The following PDXDC1 variants were observed in gnomAD, a reference collection of about 807,000 sequenced individuals.
PDXDC1 encodes the protein pyridoxal dependent decarboxylase domain containing 1.
Under a neutral mutation model 100.1 loss-of-function variants are expected in PDXDC1, and 42 were observed. That is an observed-to-expected ratio of 0.42 (90% CI 0.33 to 0.54). The LOEUF (loss-of-function observed/expected upper bound fraction) is 0.54, where lower values mean the gene tolerates loss of function less well. Among genes scored for constraint, PDXDC1 ranks in the 20% least tolerant of loss-of-function variants. The pLI is 0.10. For synonymous variants in PDXDC1, 260 were observed against 371.7 expected (o/e 0.70, Z 3.46); for missense variants, 636 against 979.2 (o/e 0.65, Z 4.68).
intron 16 of PDXDC1, among the ~76,000 whole-genome samples, chr16:15,065,818 G>C (rs1379673828): frequency 1.3e-5 from 2 of 152,190 alleles, no homozygotes; most frequent in Non-Finnish European, 2.9e-5. Context: ...TTGGTGAAGA[G>C]ACTTGCTGAA....
chr16:15,030,418 C>G (rs1463230727), intron 16 of PDXDC1, among the ~76,000 whole-genome samples: 1 of 50,086 alleles, frequency 2.0e-5, no homozygotes, highest in Admixed American at 1.6e-4. Context: ...TGGTGGTACA[C>G]ACCTGCAGTC....
At chr16:14,981,395 G>GTGCC (rs1967949908) in intron 1 of PDXDC1, among the ~76,000 whole-genome samples, 1 of 152,284 alleles carries the variant, frequency 6.6e-6, no homozygotes, top group Admixed American at 6.5e-5. Context: ...AAAACAAACA[G>GTGCC]TGCCTGCTGT....
intron 16 of PDXDC1, chr16:15,109,067 T>A (rs1409421854): frequency 1.5e-5 from 2 of 133,864 alleles, no homozygotes; most frequent in African/African-American, 5.2e-5. Flanking sequence ...AGAAGTAGAC[T>A]CCCATCTCTT....
At chr16:15,072,774 G>C (rs993765927) in intron 16 of PDXDC1, among the ~76,000 whole-genome samples, 4 of 152,032 alleles carry the variant, frequency 2.6e-5, no homozygotes, top group African/African-American at 9.7e-5. Context: ...TCTCAAAAAA[G>C]AAAGGAAAAG....
rs2041784621 is a variant in PDXDC1, at chr16:15,016,211, G to A, written c.810G>A (p.Glu270=). Residue 270 remains glutamate (E), a splice_region_variant and synonymous_variant, in exon 9 of 23, where the codon GAG becomes GAA. Coordinates refer to ENST00000396410, the MANE Select transcript of PDXDC1 (RefSeq NM_015027.4). ...AGTATGGCATATGGCTTCATGTGGA[G>A]GGGTAAGCCGGCGGTGAGGCTGGTG... ...CEQYGIWLHV[E]GVNLATLALG... 1 of 1,612,336 alleles carries A rather than the reference G, an allele frequency of 6.2e-7. No homozygotes were observed. The highest frequency in any genetic ancestry group is 8.5e-7 in the Non-Finnish European group (1 of 1,179,718).
At position 15,038,014 on chromosome 16, in the gene PDXDC1, T is replaced by TTGG; in HGVS notation, c.*1741_*1743dup. The TTGG allele has an allele frequency of 6.2e-7, 1 of 1,601,162 alleles. No homozygotes were observed. Among genetic ancestry groups the TTGG allele is most frequent in the Non-Finnish European group, 8.5e-7 (1 of 1,171,918 alleles). ...CTGTCAGGCCAAGAAGGTGCTTTCT[T>TTGG]TGGTAATTCATGTTTTTTAACTTCC... On this transcript the variant is annotated 3_prime_UTR_variant, in exon 23 of 23. Transcript: ENST00000396410.
chr16:15,145,906 C>A, the PDXDC1 span, among the ~76,000 whole-genome samples: 1 of 152,196 alleles, frequency 6.6e-6, no homozygotes, highest in South Asian at 2.1e-4. Context: ...GTGGCCACTG[C>A]AGAGCTCCAG....
chr16:15,146,555 C>G, the PDXDC1 span, among the ~76,000 whole-genome samples: 2 of 152,146 alleles, frequency 1.3e-5, no homozygotes, highest in Admixed American at 6.5e-5. Context: ...CAGGAGTAGG[C>G]CGGGTCTTGT....
intron 16 of PDXDC1, among the ~76,000 whole-genome samples, chr16:15,089,847 C>T (rs1224668562): frequency 7.3e-6 from 1 of 136,630 alleles, no homozygotes; most frequent in Non-Finnish European, 1.5e-5. Flanking sequence ...GGATCAGAAA[C>T]GCTGAAGTTT....
At chr16:15,042,058 A>C (rs549787403), downstream of PDXDC1, among the ~76,000 whole-genome samples, 32 of 152,240 alleles carry the variant, frequency 2.1e-4, no homozygotes, top group Non-Finnish European at 2.6e-4. Flanking sequence ...AACAGATCTG[A>C]AAAATACAAG....
At chr16:15,067,764 T>A (rs1345732272) in intron 16 of PDXDC1, among the ~76,000 whole-genome samples, 1 of 152,070 alleles carries the variant, frequency 6.6e-6, no homozygotes, top group African/African-American at 2.4e-5. Flanking sequence ...TGGGTTGTTT[T>A]TGTTTGTTTA....
intron 16 of PDXDC1, chr16:15,093,976 T>C (rs1170848596): frequency 8.1e-5 from 54 of 668,190 alleles, no homozygotes; most frequent in Non-Finnish European, 1.1e-4. Flanking sequence ...CCCATGTCTA[T>C]TACCCAGTTA....
Position 15,036,568 on chromosome 16 carries a change from A to G in PDXDC1, c.*293A>G, listed in dbSNP as rs2043467177. The G allele has an allele frequency of 6.8e-6, 3 of 439,736 alleles. No individual in the cohort carries two copies. The highest frequency in any genetic ancestry group is 8.1e-5 in the East Asian group (2 of 24,788). The allele number at this position is 439,736 out of a possible 1,614,324, so 27.2% of individuals were successfully genotyped here. ...CGAATTTCAAGTGTCTACCAGTAGC[A>G]CCCTTGCTCTTTCTAAACATAAGCC... On this transcript the variant is annotated 3_prime_UTR_variant, in exon 23 of 23. Transcript: ENST00000396410.
At chr16:14,987,694 C>T (rs1336949623) in intron 1 of PDXDC1, among the ~76,000 whole-genome samples, 1 of 152,288 alleles carries the variant, frequency 6.6e-6, no homozygotes, top group East Asian at 1.9e-4. Context: ...TCACTGCAGC[C>T]TCCGCCTCCC....
Position 15,031,729 on chromosome 16 carries a change from C to T in PDXDC1, c.1400-6C>T. 6.2e-7 allele frequency: 1 copy of T among 1,606,264 alleles called. No individual in the cohort carries two copies. The highest frequency in any genetic ancestry group is 8.5e-7 in the Non-Finnish European group (1 of 1,173,864). On this transcript the variant is annotated splice_polypyrimidine_tract_variant and splice_region_variant and intron_variant, in intron 16 of 22. Transcript: ENST00000396410. ...AGCATTTCTCTGACATTGTGAACAT[C>T]TTCAGTTTTAGGAACTCGGGGAGAG...
intron 16 of PDXDC1, chr16:15,135,948 G>A: frequency 2.5e-6 from 4 of 1,578,086 alleles, no homozygotes; most frequent in Non-Finnish European, 3.4e-6. Flanking sequence ...ACGCCGGGCA[G>A]GGCCACACGC....
At chr16:15,072,917 AG>A in intron 16 of PDXDC1, 1 of 1,605,880 alleles carries the variant, frequency 6.2e-7, no homozygotes, top group Non-Finnish European at 8.5e-7. Flanking sequence ...AAACAAAGTA[AG>A]CTAAGATAAT....
At chr16:15,133,320 C>A (rs2048197952) in intron 16 of PDXDC1, 19 of 1,538,626 alleles carry the variant, frequency 1.2e-5, no homozygotes, top group Admixed American at 6.9e-5. Context: ...TGGGGATCGG[C>A]CTGCCGCAGC....
At chr16:14,984,104 A>G (rs1030831681) in intron 1 of PDXDC1, among the ~76,000 whole-genome samples, 1 of 152,204 alleles carries the variant, frequency 6.6e-6, no homozygotes, top group African/African-American at 2.4e-5. Context: ...GTGAGGCTGC[A>G]GGGAGCCACG....
Sources: allele counts gnomAD v4.1 joint callset (sites outside exome capture counted in the v4.1 genomes callset), GRCh38; gene constraint gnomAD v4.1.1; transcripts MANE v1.5; gene names NCBI Gene and HGNC (gene_info 2026-07-23, HGNC 2026-07-21).